Variants in RAB7A observed in about 807,000 individuals in gnomAD.
The protein encoded by RAB7A is RAB7A, member RAS oncogene family, also known as ras-related protein Rab-7a.
A neutral mutation model predicts 24.5 loss-of-function variants in RAB7A; 2 were observed. That is an observed-to-expected ratio of 0.08 (90% CI 0.03 to 0.26). The LOEUF is 0.26. Ranked by LOEUF, RAB7A falls within the 10% of genes least tolerant of loss-of-function variation. The pLI, the probability that RAB7A is intolerant of heterozygous loss-of-function variation, is 1.00. For missense variants in RAB7A, 118 were observed against 255.7 expected (o/e 0.46, Z 3.67); for synonymous variants, 100 against 95.9 (o/e 1.04, Z -0.25).
intron 5 of RAB7A, among the ~76,000 whole-genome samples, chr3:128,809,597 AG>A (rs1334993463): frequency 6.6e-6 from 1 of 152,182 alleles, no homozygotes; most frequent in Non-Finnish European, 1.5e-5. Flanking sequence ...ATAGGGAAAA[AG>A]TAATTTTTTA....
chr3:128,774,092 A>G (rs1010559212), intron 1 of RAB7A, among the ~76,000 whole-genome samples: 14 of 151,154 alleles, frequency 9.3e-5, no homozygotes, highest in East Asian at 5.8e-4. Flanking sequence ...AAAAAAAAAA[A>G]AAAGAAAAAA....
intron 1 of RAB7A, among the ~76,000 whole-genome samples, chr3:128,769,867 C>T (rs1473805773): frequency 3.3e-5 from 5 of 152,158 alleles, no homozygotes; most frequent in African/African-American, 9.7e-5. Context: ...TGGTTAACAT[C>T]AGGTTACTTT....
chr3:128,809,936 C>CTTTT (rs869119619), intron 5 of RAB7A, among the ~76,000 whole-genome samples: 537 of 52,224 alleles, frequency 0.01, 148 homozygotes, highest in Non-Finnish European at 0.011. Context: ...TTGCCACAGT[C>CTTTT]TTTTTTTTTT....
chr3:128,793,933 G>A (rs542837535), intron 1 of RAB7A, among the ~76,000 whole-genome samples: 2 of 152,168 alleles, frequency 1.3e-5, no homozygotes, highest in African/African-American at 4.8e-5. Flanking sequence ...CTCTAGTCTG[G>A]CTCCTATTCC....
intron 5 of RAB7A, among the ~76,000 whole-genome samples, chr3:128,811,674 G>A (rs939524018): frequency 1.3e-5 from 2 of 151,914 alleles, no homozygotes; most frequent in African/African-American, 4.8e-5. Flanking sequence ...ACATAGCAAG[G>A]CCTCATCTCT....
intron 1 of RAB7A, among the ~76,000 whole-genome samples, chr3:128,734,136 A>G (rs960655915): frequency 3.3e-5 from 5 of 152,126 alleles, no homozygotes; most frequent in African/African-American, 1.2e-4. Flanking sequence ...TTGGGGTTAA[A>G]AGCAGAGGTT....
At chr3:128,759,341 C>G (rs146444360) in intron 1 of RAB7A, among the ~76,000 whole-genome samples, 7 of 152,236 alleles carry the variant, frequency 4.6e-5, no homozygotes, top group African/African-American at 1.4e-4. Flanking sequence ...TATGTTAGTT[C>G]CTTTCCCCGA....
At chr3:128,810,235 C>T (rs1034088916) in intron 5 of RAB7A, among the ~76,000 whole-genome samples, 26 of 152,046 alleles carry the variant, frequency 1.7e-4, no homozygotes, top group Non-Finnish European at 2.5e-4. Flanking sequence ...CATGAGCCAC[C>T]GCACCCGGCC....
In RAB7A at chr3:128,807,797, T is replaced by G. The variant is rs1388497999; in HGVS notation, c.528+126T>G. ...TTTTCTGTATAGCCAGAATACCCTA[T>G]GTGTTCATCTGGGAAGGTTATGACA... On this transcript the variant is annotated intron_variant, in intron 5 of 5. Transcript: ENST00000265062. 2.2e-6 allele frequency: 3 copies of G among 1,345,458 alleles called. No individual in the cohort carries two copies. The African/African-American group carries it at 4.3e-5, about 19-fold the overall frequency. 83.3% of individuals were successfully genotyped at this position (1,345,458 alleles called of 1,614,324 possible).
intron 1 of RAB7A, among the ~76,000 whole-genome samples, chr3:128,735,521 T>C (rs950749899): frequency 3.9e-5 from 6 of 152,244 alleles, no homozygotes; most frequent in Non-Finnish European, 7.3e-5. Flanking sequence ...ATGTTGTAAT[T>C]TGTCTAAAGA....
At chr3:128,732,021 T>G (rs1313336248) in intron 1 of RAB7A, among the ~76,000 whole-genome samples, 2 of 144,858 alleles carry the variant, frequency 1.4e-5, no homozygotes, top group Non-Finnish European at 1.5e-5. Context: ...AAAAAAAGTG[T>G]CTCTTTCTTC....
At chr3:128,772,668 G>A (rs2107601429) in intron 1 of RAB7A, among the ~76,000 whole-genome samples, 1 of 152,338 alleles carries the variant, frequency 6.6e-6, no homozygotes, top group East Asian at 1.9e-4. Flanking sequence ...GACTTGTGGT[G>A]GTTGTCTTGT....
chr3:128,743,523 G>A (rs2712416), intron 1 of RAB7A, among the ~76,000 whole-genome samples: 3,767 of 152,258 alleles, frequency 0.025, 65 homozygotes, highest in Non-Finnish European at 0.036. Flanking sequence ...AATTTTTTTT[G>A]TAGAGATGGG....
intron 1 of RAB7A, among the ~76,000 whole-genome samples, chr3:128,785,698 G>C (rs1340953761): frequency 6.8e-6 from 1 of 146,594 alleles, no homozygotes; most frequent in Non-Finnish European, 1.5e-5. Context: ...GCAGTGAACA[G>C]AGATCGCGCC....
intron 1 of RAB7A, among the ~76,000 whole-genome samples, chr3:128,792,216 A>G (rs1933469887): frequency 6.6e-6 from 1 of 152,204 alleles, no homozygotes; most frequent in Non-Finnish European, 1.5e-5. Context: ...TCTATCATGT[A>G]GGAGTCTGGA....
intron 1 of RAB7A, among the ~76,000 whole-genome samples, chr3:128,762,093 A>C (rs192622863): frequency 5.3e-4 from 80 of 152,330 alleles, no homozygotes; most frequent in Admixed American, 4.8e-3. Context: ...AATGGTGAAA[A>C]TGGTAATTGT....
At chr3:128,765,069 G>C in intron 1 of RAB7A, 1 of 1,031,422 alleles carries the variant, frequency 9.7e-7, no homozygotes, top group East Asian at 2.5e-5. Flanking sequence ...CTGGAGCGGC[G>C]GCGGGGGCCT....
In RAB7A at chr3:128,795,361, T is replaced by G; in HGVS notation, c.-7T>G. 6.2e-7 allele frequency: 1 copy of G among 1,611,956 alleles called. No homozygotes were observed. Among genetic ancestry groups the G allele is most frequent in the Non-Finnish European group, 8.5e-7 (1 of 1,178,020 alleles). ...TGATTTCTCCTTTTCCCCCTTTAGT[T>G]TGAAGGATGACCTCTAGGAAGAAAG... On this transcript the variant is annotated splice_region_variant and 5_prime_UTR_variant, in exon 2 of 6. Coordinates refer to ENST00000265062, the MANE Select transcript of RAB7A (RefSeq NM_004637.6).
intron 1 of RAB7A, among the ~76,000 whole-genome samples, chr3:128,728,681 C>T (rs1235698852): frequency 1.3e-5 from 2 of 152,260 alleles, no homozygotes; most frequent in East Asian, 3.9e-4. Context: ...AGGCTGGTCT[C>T]GAACTGCCTA....
Sources: gnomAD v4.1 joint callset for allele counts (sites outside exome capture counted in the v4.1 genomes callset) on GRCh38, gnomAD v4.1.1 for gene constraint, MANE v1.5 for transcripts, NCBI Gene and HGNC (gene_info 2026-07-23, HGNC 2026-07-21) for gene names.